Variants in KDM4B observed in about 807,000 individuals in gnomAD.
The protein encoded by KDM4B is lysine demethylase 4B.
Under a neutral mutation model 125.2 loss-of-function variants are expected in KDM4B, and 32 were observed. The ratio of observed to expected loss-of-function variants is 0.26; its 90% CI spans 0.19 to 0.34. KDM4B has a LOEUF of 0.34. Among genes scored for constraint, KDM4B ranks in the 10% least tolerant of loss-of-function variants. The probability of loss-of-function intolerance (pLI) is 1.00; values close to 1 mark genes in which losing one functional copy is unlikely to be tolerated. For missense variants in KDM4B, 1,190 were observed against 1,577.7 expected, an observed-to-expected ratio of 0.75 and a Z score of 4.16; for synonymous variants, 721 against 677.9, an observed-to-expected ratio of 1.06 and a Z score of -0.99.
chr19:5,091,005 C>CT (rs1462483262), intron 9 of KDM4B, among the ~76,000 whole-genome samples: 7 of 152,168 alleles, frequency 4.6e-5, no homozygotes. Flanking sequence ...AGCAGGCAGG[C>CT]TTTGTAGTGG....
chr19:5,041,386 A>G (rs564161891), intron 5 of KDM4B, 135 bp downstream of exon 5: 1 of 615,246 alleles, frequency 1.6e-6, no homozygotes, highest in Admixed American at 2.7e-5. Context: ...CAGGCTCTGG[A>G]TGCGGGCCTC....
chr19:5,050,001 C>T (rs1336285488), intron 6 of KDM4B, among the ~76,000 whole-genome samples: 2 of 152,176 alleles, frequency 1.3e-5, no homozygotes, highest in African/African-American at 4.8e-5. Context: ...AGATGCTTCC[C>T]CCCTCTCCCT....
intron 1 of KDM4B, among the ~76,000 whole-genome samples, chr19:5,002,729 C>G (rs2145438909): frequency 6.6e-6 from 1 of 151,962 alleles, no homozygotes; most frequent in East Asian, 2.0e-4. Flanking sequence ...GGGAGGATCA[C>G]TTGAGCCCAG....
chr19:5,079,692 T>A (rs560289295), intron 8 of KDM4B, among the ~76,000 whole-genome samples: 3 of 152,322 alleles, frequency 2.0e-5, no homozygotes, highest in Admixed American at 6.5e-5. Context: ...CCGGCTCAAA[T>A]AGGATAAAGG....
Position 5,035,627 on chromosome 19 carries a change from C to G in KDM4B, c.141+2596C>G, listed in dbSNP as rs1219989615. ...TGTCGCTGCTTCAGGTTTCTGCACT[C>G]CCCCCAGGCCAGTTCCCCCGAGATT... On this transcript the variant is annotated intron_variant, in intron 3 of 22. Coordinates refer to ENST00000159111, the MANE Select transcript of KDM4B (RefSeq NM_015015.3). The surrounding 1 kb of genome is among the most constrained non-coding windows in gnomAD (Gnocchi z 5.3). 1.3e-5 allele frequency among the ~76,000 whole-genome samples: 2 copies of G among 152,078 alleles called. No homozygotes were observed. The highest frequency in any genetic ancestry group is 2.9e-5 in the Non-Finnish European group (2 of 68,014).
At chr19:5,132,104 C>T (rs950672262) in intron 13 of KDM4B, 97 bp downstream of exon 13, 2 of 1,409,366 alleles carry the variant, frequency 1.4e-6, no homozygotes, top group African/African-American at 1.4e-5. Flanking sequence ...TTCCTTCCCC[C>T]ACTTCCTGGG....
intron 9 of KDM4B, among the ~76,000 whole-genome samples, chr19:5,108,723 C>T (rs927070781): frequency 2.6e-5 from 4 of 152,292 alleles, no homozygotes; most frequent in East Asian, 1.9e-4. Flanking sequence ...GAGTGTCTCA[C>T]GATTTTTGGA....
chr19:5,037,292 T>C (rs1218772142), intron 3 of KDM4B, among the ~76,000 whole-genome samples: 4 of 152,158 alleles, frequency 2.6e-5, no homozygotes, highest in African/African-American at 9.7e-5. Flanking sequence ...TTCAGAGCAG[T>C]GCTGGCCTGT....
chr19:5,019,371 GACATT>G (rs2036003665), intron 2 of KDM4B, among the ~76,000 whole-genome samples: 1 of 143,158 alleles, frequency 7.0e-6, no homozygotes. Flanking sequence ...TGTTGGTGTG[GACATT>G]GGTGTGCAGG....
At chr19:5,110,016 G>A (rs2039109884) in intron 9 of KDM4B, among the ~76,000 whole-genome samples, 1 of 152,246 alleles carries the variant, frequency 6.6e-6, no homozygotes. Flanking sequence ...TCTCTGGACA[G>A]CTGTGCGTGG....
At chr19:5,040,281 C>T (rs960706523) in intron 4 of KDM4B, among the ~76,000 whole-genome samples, 12 of 152,180 alleles carry the variant, frequency 7.9e-5, no homozygotes, top group African/African-American at 2.4e-4. Context: ...CCTGGGAGCA[C>T]GTCCTCCACA....
chr19:5,118,871 G>T (rs899680781), intron 10 of KDM4B, among the ~76,000 whole-genome samples: 3 of 152,180 alleles, frequency 2.0e-5, no homozygotes, highest in Non-Finnish European at 2.9e-5. Context: ...TGCAGGATGC[G>T]CCTCCTCTTG....
chr19:5,085,034 C>G (rs1178444450), intron 9 of KDM4B, among the ~76,000 whole-genome samples: 4 of 152,136 alleles, frequency 2.6e-5, no homozygotes, highest in Non-Finnish European at 4.4e-5. Context: ...CTCCTGGCTA[C>G]TGGGAAAATG....
chr19:5,091,236 G>A (rs906001062), intron 9 of KDM4B, among the ~76,000 whole-genome samples: 14 of 152,314 alleles, frequency 9.2e-5, no homozygotes, highest in South Asian at 8.3e-4. Flanking sequence ...GCGGCATCCC[G>A]AAACACCCTG....
At chr19:5,046,778 C>T (rs1351451581) in intron 5 of KDM4B, among the ~76,000 whole-genome samples, 2 of 152,216 alleles carry the variant, frequency 1.3e-5, no homozygotes, top group South Asian at 2.1e-4. Flanking sequence ...CCGGTACCAT[C>T]GCTGGGTTAG....
intron 9 of KDM4B, among the ~76,000 whole-genome samples, chr19:5,103,850 C>G (rs1306961071): frequency 6.6e-6 from 1 of 152,236 alleles, no homozygotes; most frequent in Non-Finnish European, 1.5e-5. Flanking sequence ...ACTTCCTGAT[C>G]CCCTTCCCCA....
At position 5,035,891 on chromosome 19, in the gene KDM4B, GCGCGCC is replaced by G. The variant is rs2036608886; in HGVS notation, c.141+2861_141+2866del. On this transcript the variant is annotated intron_variant, in intron 3 of 22. Transcript: ENST00000159111. This position sits in a 1 kb window ranked among gnomAD's most constrained non-coding sequence, Gnocchi z 5.3. Reference sequence around the variant, plus strand: ...TGTGTGTGTGTGTGTGCGCGCGCGCGCGCGCCTGCGCGCACAGGAGACTGAGGTGGG... The same window carrying G: ...TGTGTGTGTGTGTGTGCGCGCGCGCGTGCGCGCACAGGAGACTGAGGTGGG... Among the ~76,000 whole-genome samples the G allele has an allele frequency of 2.5e-5, 3 of 120,850 alleles. No individual in the cohort carries two copies. The highest frequency in any genetic ancestry group is 7.8e-5 in the Admixed American group (1 of 12,800). The allele number at this position is 120,850 out of a possible 152,430, so 79.3% of individuals were successfully genotyped here. A position where few individuals can be genotyped will look rare whatever the true frequency, so the allele number is the denominator to read the frequency against.
chr19:5,056,405 CTTTTTTT>C (rs941745686), intron 6 of KDM4B, among the ~76,000 whole-genome samples: 34 of 136,314 alleles, frequency 2.5e-4, no homozygotes, highest in African/African-American at 9.2e-4. Flanking sequence ...CCCTTTCTTT[CTTTTTTT>C]TTTTTTTTTT....
At chr19:5,043,245 G>C (rs1425370924) in intron 5 of KDM4B, among the ~76,000 whole-genome samples, 1 of 131,418 alleles carries the variant, frequency 7.6e-6, no homozygotes, top group African/African-American at 2.9e-5. Flanking sequence ...TCGGAGTGGG[G>C]TGTCCACCTT....
Sources: gnomAD v4.1 joint callset for allele counts (sites outside exome capture counted in the v4.1 genomes callset) on GRCh38, gnomAD v4.1.1 for gene constraint, Gnocchi (gnomAD v3.1) non-coding constraint, MANE v1.5 for transcripts, NCBI Gene and HGNC (gene_info 2026-07-23, HGNC 2026-07-21) for gene names.